TTYH1: variants seen among roughly 807,000 people sequenced by gnomAD.
TTYH1 encodes the protein tweety family member 1, also known as protein tweety homolog 1.
Under a neutral mutation model 61.2 loss-of-function variants are expected in TTYH1, and 33 were observed. That is an observed-to-expected ratio of 0.54 (90% CI 0.41 to 0.72). The LOEUF is 0.72. Ranked by LOEUF, TTYH1 falls within the 30% of genes least tolerant of loss-of-function variation. The pLI, the probability that TTYH1 is intolerant of heterozygous loss-of-function variation, is 0.00. For synonymous variants in TTYH1, 308 were observed against 266.4 expected, an observed-to-expected ratio of 1.16 and a Z score of -1.52; for missense variants, 538 against 575.8, an observed-to-expected ratio of 0.93 and a Z score of 0.67.
rs556544819 is a variant in TTYH1 at position 54,428,056 on chromosome 19, C to T, written c.735-1251C>T. On this transcript the variant is annotated intron_variant, in intron 5 of 13. Transcript: ENST00000376530. Reference sequence around the variant, plus strand: ...CCTCCAGAGTAGCTGGGACCATGGGCTTATGCCACCACTCCCGGCTAAGTT... The same window carrying T: ...CCTCCAGAGTAGCTGGGACCATGGGTTTATGCCACCACTCCCGGCTAAGTT... Among the ~76,000 whole-genome samples the T allele has an allele frequency of 2.4e-3, 327 of 136,552 alleles. 2 individuals are homozygous for T. Among genetic ancestry groups the T allele is most frequent in the Admixed American group, 5.7e-3 (75 of 13,240 alleles). 89.6% of individuals were successfully genotyped at this position (136,552 alleles called of 152,430 possible). A position where few individuals can be genotyped will look rare whatever the true frequency, so the allele number is the denominator to read the frequency against.
intron 4 of TTYH1, among the ~76,000 whole-genome samples, chr19:54,422,740 C>T (rs576563029): frequency 6.6e-6 from 1 of 151,964 alleles, no homozygotes; most frequent in South Asian, 2.1e-4. Flanking sequence ...ACCAGCCTGG[C>T]CAACGTGGAG....
Position 54,415,630 on chromosome 19 carries a change from C to T in TTYH1, c.78C>T (p.Leu26=). The T allele has an allele frequency of 6.4e-7, 1 of 1,566,920 alleles. No homozygotes were observed. Among genetic ancestry groups the T allele is most frequent in the Non-Finnish European group, 8.6e-7 (1 of 1,164,060 alleles). The change falls in exon 1 of 14, where the codon CTC becomes CTT. Residue 26 remains leucine (L), a synonymous_variant. Coordinates refer to ENST00000376530, the MANE Select transcript of TTYH1 (RefSeq NM_020659.4). This position sits in a 1 kb window ranked among gnomAD's most constrained non-coding sequence, Gnocchi z 5.2. The stretch of plus-strand genomic sequence containing the variant: ...AGCTGCCCCGCGCCGACTTCCAGCT[C>T]CGCCCGGTGCCCAGCGTTTTCGCGC... The part of the protein sequence containing the change: ...LHQLPRADFQ[L]RPVPSVFAPQ...
chr19:54,424,420 C>T (rs1253438745), intron 4 of TTYH1, among the ~76,000 whole-genome samples: 2 of 152,238 alleles, frequency 1.3e-5, no homozygotes, highest in Admixed American at 1.3e-4. Flanking sequence ...GGAGGCCTTC[C>T]GGGATGCTGC....
chr19:54,423,267 G>A (rs1403196625), intron 4 of TTYH1, among the ~76,000 whole-genome samples: 3 of 148,668 alleles, frequency 2.0e-5, no homozygotes, highest in Admixed American at 1.4e-4. Context: ...GTGCGATCTC[G>A]ACTCACTGCA....
intron 8 of TTYH1, 97 bp from the exon 9 acceptor site, chr19:54,430,716 T>G: frequency 6.3e-7 from 1 of 1,579,402 alleles, no homozygotes; most frequent in Non-Finnish European, 8.7e-7. Flanking sequence ...CCGGGGAGGA[T>G]GCAGGCCAGG....
chr19:54,430,442 T>C (rs1346932824), intron 7 of TTYH1, 108 bp from the exon 8 acceptor site: 76 of 1,227,054 alleles, frequency 6.2e-5, no homozygotes, highest in Non-Finnish European at 8.8e-5. Context: ...GCTCCAGGGC[T>C]GGGCTGAGGC....
Position 54,436,323 on chromosome 19 carries a change from C to G in TTYH1, c.*43-10C>G, listed in dbSNP as rs185315746. The stretch of plus-strand genomic sequence containing the variant: ...CTGCATCACTGCCCTGTCTCTCCCT[C>G]TCTCCGCAGTTCCTTCCCTGGCTGC... On this transcript the variant is annotated splice_polypyrimidine_tract_variant and intron_variant, in intron 13 of 13. Transcript: ENST00000376530. The surrounding 1 kb of genome is among the most constrained non-coding windows in gnomAD (Gnocchi z 4.3). The G allele has an allele frequency of 2.2e-4, 357 of 1,614,112 alleles. 3 individuals are homozygous for G. In the African/African-American group the frequency reaches 4.0e-3, roughly 18 times the overall value.
At chr19:54,428,717 A>T (rs1009271504) in intron 5 of TTYH1, among the ~76,000 whole-genome samples, 1 of 152,116 alleles carries the variant, frequency 6.6e-6, no homozygotes, top group Non-Finnish European at 1.5e-5. Flanking sequence ...TGCCCCTGAG[A>T]GAGTGGGAGA....
chr19:54,436,116 AGTCGTCT>A lies in TTYH1; in HGVS notation c.1341_1347del (p.Ser449GlufsTer26). The A allele has an allele frequency of 6.2e-7, 1 of 1,614,130 alleles. No homozygotes were observed. The highest frequency in any genetic ancestry group is 1.1e-5 in the South Asian group (1 of 91,090). ...GAATCCAAGCGCTTTGTGCAGTGGC[AGTCGTCT>A]ATCTGAGCCCCTCCTCCCGGCTGGA... On this transcript the variant is annotated frameshift_variant, in exon 13 of 14. Coordinates refer to ENST00000376530, the MANE Select transcript of TTYH1 (RefSeq NM_020659.4). LOFTEE classifies it high-confidence loss of function. This position sits in a 1 kb window ranked among gnomAD's most constrained non-coding sequence, Gnocchi z 4.3.
intron 12 of TTYH1, 84 bp downstream of exon 12, chr19:54,435,957 C>T (rs1160658821): frequency 2.7e-5 from 42 of 1,583,086 alleles, no homozygotes; most frequent in African/African-American, 8.1e-5. Flanking sequence ...AGGGCCTGGC[C>T]GCCTGGGTCT....
intron 4 of TTYH1, 140 bp downstream of exon 4, chr19:54,422,550 GC>G: frequency 1.5e-6 from 1 of 684,782 alleles, no homozygotes; most frequent in Non-Finnish European, 2.4e-6. Flanking sequence ...AATGGGTAGA[GC>G]CCAGGAACTG....
Position 54,430,908 on chromosome 19 carries a change from C to G in TTYH1, c.1032+3C>G. On this transcript the variant is annotated splice_donor_region_variant and intron_variant, in intron 9 of 13. Transcript: ENST00000376530. The stretch of plus-strand genomic sequence containing the variant: ...TGCCTCAGTTCCCTTCAGCGCAGGT[C>G]GGTGGGTGGGCGCTCCCCAGACACG... The G allele has an allele frequency of 2.5e-6, 4 of 1,611,916 alleles. No homozygotes were observed. Among genetic ancestry groups the G allele is most frequent in the Non-Finnish European group, 3.4e-6 (4 of 1,179,814 alleles).
Position 54,429,826 on chromosome 19 carries a change from G to T in TTYH1, c.808-56G>T. On this transcript the variant is annotated intron_variant, in intron 6 of 13. Transcript: ENST00000376530. This position sits in a 1 kb window ranked among gnomAD's most constrained non-coding sequence, Gnocchi z 5.1. ...GGGAGCCAGGCACTGGGTGCTGTGG[G>T]AGTGTGGAATCGGGGCAGTTTTGGG... is the stretch of plus-strand genomic sequence containing the variant. 6.7e-7 allele frequency: 1 copy of T among 1,490,188 alleles called. No homozygotes were observed. The allele number at this position is 1,490,188 out of a possible 1,614,324, so 92.3% of individuals were successfully genotyped here.
Position 54,422,412 on chromosome 19 carries a change from TGA to T in TTYH1, c.638+5_638+6del. ...TGTGTCCTTTGTGGAGGAGTACAGGTGAGACGCTGCTCTTCTTGCTCTCTGTG... is the reference window on the plus strand; with the variant it reads ...TGTGTCCTTTGTGGAGGAGTACAGGTGACGCTGCTCTTCTTGCTCTCTGTG... On this transcript the variant is annotated splice_donor_region_variant and intron_variant, in intron 4 of 13. Transcript: ENST00000376530. 2.6e-6 allele frequency: 4 copies of T among 1,529,300 alleles called. No homozygotes were observed. The highest frequency in any genetic ancestry group is 3.5e-6 in the Non-Finnish European group (4 of 1,132,384). 94.7% of individuals were successfully genotyped at this position (1,529,300 alleles called of 1,614,324 possible).
chr19:54,422,626 A>C (rs2083241798), intron 4 of TTYH1, among the ~76,000 whole-genome samples: 2 of 151,996 alleles, frequency 1.3e-5, no homozygotes, highest in Admixed American at 1.3e-4. Flanking sequence ...TCCAGCCACC[A>C]TGACAATTAT....
At chr19:54,418,287 C>G (rs924493943) in intron 1 of TTYH1, 1 of 152,354 alleles carries the variant, frequency 6.6e-6, no homozygotes, top group African/African-American at 2.4e-5. Context: ...GCCTGTCTTC[C>G]GGGCCTTGGC....
rs749740535 is a variant in TTYH1 at position 54,430,584 on chromosome 19, C to T, written c.918C>T (p.Ala306=). ...ILSYYLLCNR[A]VSNPFQQRLT... is the part of the protein sequence containing the mutation. ...GCTATTATCTCCTCTGCAACCGGGC[C>T]GTCTCCAACCCCTTCCAACAGGTTA... Residue 306 remains alanine, a synonymous_variant, in exon 8 of 14, where the codon GCC becomes GCT. Coordinates refer to ENST00000376530, the MANE Select transcript of TTYH1 (RefSeq NM_020659.4). 12 of 1,613,886 alleles carry T rather than the reference C, an allele frequency of 7.4e-6. No individual in the cohort carries two copies. Among genetic ancestry groups the T allele is most frequent in the Admixed American group, 1.7e-5 (1 of 59,992 alleles).
chr19:54,417,519 TACAC>T (rs1461787599), intron 1 of TTYH1, among the ~76,000 whole-genome samples: 4 of 151,640 alleles, frequency 2.6e-5, no homozygotes, highest in South Asian at 4.1e-4. Context: ...TATACCCACT[TACAC>T]ATACACAATC....
chr19:54,431,019 G>C, intron 9 of TTYH1, 80 bp from the exon 10 acceptor site: 2 of 1,481,472 alleles, frequency 1.4e-6, no homozygotes, highest in Non-Finnish European at 1.9e-6. Flanking sequence ...CTTGGGTTGT[G>C]GGCGGGGACG....
Sources: gnomAD v4.1 joint callset for allele counts (sites outside exome capture counted in the v4.1 genomes callset) on GRCh38, gnomAD v4.1.1 for gene constraint, Gnocchi (gnomAD v3.1) non-coding constraint, MANE v1.5 for transcripts, NCBI Gene and HGNC (gene_info 2026-07-23, HGNC 2026-07-21) for gene names.